The following DLGAP2 variants were observed in gnomAD, a reference collection of about 807,000 sequenced individuals.
DLGAP2 encodes disks large-associated protein 2.
DLGAP2 carries 26 observed loss-of-function variants against 100.3 expected under a neutral mutation model. That is an observed-to-expected ratio of 0.26 (90% CI 0.19 to 0.36). DLGAP2 has a LOEUF of 0.36. DLGAP2 is among the 10% of genes least tolerant of loss of function. The pLI is 1.00. For missense variants in DLGAP2, 1,858 were observed against 1,453.2 expected (o/e 1.28, Z -4.53); for synonymous variants, 886 against 630.1 (o/e 1.41, Z -6.08).
intron 3 of DLGAP2, among the ~76,000 whole-genome samples, chr8:1,463,599 G>C (rs1798522675): frequency 6.6e-6 from 1 of 152,242 alleles, no homozygotes; most frequent in Admixed American, 6.5e-5. Context: ...GTTTAAGCCT[G>C]AGTTCTGAAC....
intron 2 of DLGAP2, among the ~76,000 whole-genome samples, chr8:1,033,662 G>T (rs924396514): frequency 6.6e-6 from 1 of 152,122 alleles, no homozygotes; most frequent in African/African-American, 2.4e-5. Context: ...GGGAGACCGT[G>T]TTACCCCAAG....
Position 1,445,336 on chromosome 8 carries a change from A to G in DLGAP2, c.107-56030A>G, listed in dbSNP as rs191423195. ...TTCCCACCTATGAGTGAGAACATGCAGTGTTTGGTTTTTTGTCCTTGCAAT... is the reference window on the plus strand; with the variant it reads ...TTCCCACCTATGAGTGAGAACATGCGGTGTTTGGTTTTTTGTCCTTGCAAT... On this transcript the variant is annotated intron_variant, in intron 3 of 14. Coordinates refer to ENST00000637795, the MANE Select transcript of DLGAP2 (RefSeq NM_001346810.2). 7.5e-3 allele frequency among the ~76,000 whole-genome samples: 1,091 copies of G among 146,126 alleles called. 14 individuals carry two copies. Among genetic ancestry groups the G allele is most frequent in the African/African-American group, 0.026 (1,009 of 39,366 alleles).
chr8:1,270,344 G>A (rs760533077), intron 3 of DLGAP2, among the ~76,000 whole-genome samples: 1 of 152,234 alleles, frequency 6.6e-6, no homozygotes, highest in African/African-American at 2.4e-5. Flanking sequence ...TAGAACCTGT[G>A]ATGTGGGCAA....
chr8:1,545,591 A>G (rs939908926), intron 4 of DLGAP2, among the ~76,000 whole-genome samples: 1 of 152,178 alleles, frequency 6.6e-6, no homozygotes, highest in Non-Finnish European at 1.5e-5. Context: ...TTTATTACAC[A>G]TTGTGCACAC....
At chr8:745,231 A>G (rs1045990581) in intron 1 of DLGAP2, among the ~76,000 whole-genome samples, 2 of 152,210 alleles carry the variant, frequency 1.3e-5, no homozygotes, top group Non-Finnish European at 2.9e-5. Flanking sequence ...ATATTTTGAC[A>G]TTCTGAGCAA....
At chr8:1,156,262 C>T (rs1458748632) in intron 2 of DLGAP2, among the ~76,000 whole-genome samples, 2 of 152,166 alleles carry the variant, frequency 1.3e-5, no homozygotes, top group Non-Finnish European at 2.9e-5. Flanking sequence ...GTCTCCTCCT[C>T]CTTCCCGTTT....
chr8:1,694,243 C>G (rs572251926), intron 13 of DLGAP2, among the ~76,000 whole-genome samples: 1 of 152,254 alleles, frequency 6.6e-6, no homozygotes, highest in African/African-American at 2.4e-5. Context: ...GGGGTGGTGC[C>G]TGAGACAGGC....
At chr8:1,188,189 C>T (rs867170121) in intron 2 of DLGAP2, among the ~76,000 whole-genome samples, 3 of 131,864 alleles carry the variant, frequency 2.3e-5, no homozygotes, top group East Asian at 2.2e-4. Context: ...ACGCCCGGGA[C>T]CTCTGTGACG....
At chr8:933,250 C>T (rs1268326768) in intron 2 of DLGAP2, among the ~76,000 whole-genome samples, 1 of 152,254 alleles carries the variant, frequency 6.6e-6, no homozygotes, top group East Asian at 1.9e-4. Flanking sequence ...CCTGATCATT[C>T]TGTGGGTTAG....
chr8:886,295 C>G (rs112986085), intron 1 of DLGAP2, among the ~76,000 whole-genome samples: 7,471 of 152,048 alleles, frequency 0.049, 320 homozygotes, highest in African/African-American at 0.11. Context: ...AGCTAGCAGT[C>G]TATTTTGTTA....
chr8:1,520,200 A>C (rs935102727), intron 4 of DLGAP2, among the ~76,000 whole-genome samples: 2 of 152,234 alleles, frequency 1.3e-5, no homozygotes, highest in African/African-American at 4.8e-5. Flanking sequence ...TGGGGTGTCC[A>C]CAATGGCTGA....
intron 2 of DLGAP2, among the ~76,000 whole-genome samples, chr8:1,025,413 A>G (rs1368265655): frequency 2.0e-5 from 3 of 152,228 alleles, no homozygotes; most frequent in Non-Finnish European, 4.4e-5. Flanking sequence ...GATTAATAAA[A>G]TAGGATTCTT....
chr8:1,304,615 T>A (rs1800446196), intron 3 of DLGAP2, among the ~76,000 whole-genome samples: 1 of 152,160 alleles, frequency 6.6e-6, no homozygotes, highest in South Asian at 2.1e-4. Flanking sequence ...CTTAATCCAA[T>A]AATAATTAAA....
intron 2 of DLGAP2, among the ~76,000 whole-genome samples, chr8:1,024,998 C>A (rs1801749676): frequency 6.6e-6 from 1 of 152,100 alleles, no homozygotes; most frequent in African/African-American, 2.4e-5. Context: ...ACAAGAGTAG[C>A]CGTTCTCTCT....
intron 1 of DLGAP2, among the ~76,000 whole-genome samples, chr8:783,998 C>T (rs1000667089): frequency 6.6e-6 from 1 of 152,170 alleles, no homozygotes; most frequent in Non-Finnish European, 1.5e-5. Context: ...GGCTTGAGGG[C>T]CATCGCCAGA....
In DLGAP2 at chr8:1,370,369, G is replaced by A. The variant is rs539190141; in HGVS notation, c.106+111486G>A. On this transcript the variant is annotated intron_variant, in intron 3 of 14. Coordinates refer to ENST00000637795, the MANE Select transcript of DLGAP2 (RefSeq NM_001346810.2). ...TGGGCAGGTGGGGTTGCACCATCTC[G>A]TCACCACCTTAATACCCTCCAGGAC... 5.8e-4 allele frequency among the ~76,000 whole-genome samples: 88 copies of A among 152,170 alleles called. 1 individual carries two copies. Among genetic ancestry groups the A allele is most frequent in the East Asian group, 4.9e-3 (25 of 5,154 alleles).
chr8:779,329 C>G (rs927758752), intron 1 of DLGAP2, among the ~76,000 whole-genome samples: 6 of 151,784 alleles, frequency 4.0e-5, no homozygotes, highest in Non-Finnish European at 8.8e-5. Context: ...GAGCTGTAGA[C>G]TGGAGCTGTT....
intron 3 of DLGAP2, among the ~76,000 whole-genome samples, chr8:1,421,114 T>G (rs2129934478): frequency 6.6e-6 from 1 of 152,306 alleles, no homozygotes; most frequent in Admixed American, 6.5e-5. Context: ...GTAAAATAAC[T>G]TATCCAAAGT....
chr8:806,949 C>T (rs1036937994), intron 1 of DLGAP2, among the ~76,000 whole-genome samples: 13 of 152,204 alleles, frequency 8.5e-5, no homozygotes, highest in Admixed American at 5.2e-4. Context: ...GGGTCGTGGA[C>T]AGTGTGGTTT....
Sources: allele counts gnomAD v4.1 joint callset (sites outside exome capture counted in the v4.1 genomes callset), GRCh38; gene constraint gnomAD v4.1.1; transcripts MANE v1.5; gene names NCBI Gene and HGNC (gene_info 2026-07-23, HGNC 2026-07-21).